The following OPCML variants were observed in gnomAD, a reference collection of about 807,000 sequenced individuals.
The protein encoded by OPCML is opioid binding protein/cell adhesion molecule like.
In OPCML, 13 loss-of-function variants were observed where a neutral mutation model predicts 37.8. That is an observed-to-expected ratio of 0.34 (90% CI 0.22 to 0.55). The LOEUF is 0.55. Among genes scored for constraint, OPCML ranks in the 20% least tolerant of loss-of-function variants. The pLI is 0.91. For synonymous variants in OPCML, 176 were observed against 168.8 expected, an observed-to-expected ratio of 1.04 and a Z score of -0.33; for missense variants, 341 against 435.6, an observed-to-expected ratio of 0.78 and a Z score of 1.93.
intron 4 of OPCML, among the ~76,000 whole-genome samples, chr11:132,468,844 T>C (rs1325153623): frequency 6.6e-6 from 1 of 152,140 alleles, no homozygotes; most frequent in Non-Finnish European, 1.5e-5. Flanking sequence ...AAACTACATA[T>C]ACCTCCCAGA....
intron 2 of OPCML, among the ~76,000 whole-genome samples, chr11:132,841,791 C>G (rs11822403): frequency 0.54 from 76,751 of 141,758 alleles, 20,585 homozygotes; most frequent in African/African-American, 0.65. Flanking sequence ...AACCTGGGAG[C>G]AAGAGGTTTC....
At chr11:133,448,397 T>C (rs1946514031) in intron 1 of OPCML, among the ~76,000 whole-genome samples, 1 of 152,224 alleles carries the variant, frequency 6.6e-6, no homozygotes. Context: ...TTCCATGAGC[T>C]ACATGTCTAA....
At chr11:132,952,666 T>C (rs1176170329) in intron 1 of OPCML, among the ~76,000 whole-genome samples, 1 of 152,156 alleles carries the variant, frequency 6.6e-6, no homozygotes, top group Non-Finnish European at 1.5e-5. Flanking sequence ...TGAATTAAAA[T>C]GCCTGGCTTC....
intron 1 of OPCML, among the ~76,000 whole-genome samples, chr11:133,524,854 A>T (rs1948459493): frequency 6.6e-6 from 1 of 152,252 alleles, no homozygotes; most frequent in East Asian, 1.9e-4. Flanking sequence ...GCTGCTGGGC[A>T]GGCCAAACTG....
At chr11:133,008,282 A>G (rs1190406523) in intron 1 of OPCML, 2 of 985,298 alleles carry the variant, frequency 2.0e-6, no homozygotes, top group African/African-American at 1.7e-5. Context: ...GAGAGTTGAC[A>G]ATCAATTGTG....
At chr11:133,098,232 T>G (rs75657355) in intron 1 of OPCML, among the ~76,000 whole-genome samples, 2 of 150,464 alleles carry the variant, frequency 1.3e-5, no homozygotes, top group Non-Finnish European at 3.0e-5. Context: ...TTTTTTTTTT[T>G]GGAGATGGAG....
intron 4 of OPCML, among the ~76,000 whole-genome samples, chr11:132,450,557 C>G (rs1331935720): frequency 1.3e-5 from 2 of 151,732 alleles, no homozygotes; most frequent in African/African-American, 4.8e-5. Context: ...AGTGAGCTTA[C>G]TCTACTTCCA....
At chr11:133,070,097 G>A (rs975708501) in intron 1 of OPCML, among the ~76,000 whole-genome samples, 3 of 152,110 alleles carry the variant, frequency 2.0e-5, no homozygotes, top group Non-Finnish European at 4.4e-5. Context: ...TTTGTGTCGG[G>A]TGGGGCAAGA....
In OPCML at chr11:132,766,108, A is replaced by T. The variant is rs868542393; in HGVS notation, c.147-108789T>A. Among the ~76,000 whole-genome samples, 715 of 151,892 alleles carry T rather than the reference A, an allele frequency of 4.7e-3. 3 individuals carry two copies. The highest frequency in any genetic ancestry group is 0.016 in the African/African-American group (671 of 41,340). On this transcript the variant is annotated intron_variant, in intron 2 of 7. Transcript: ENST00000524381. ...TCCCATGCTTATAATTTAAAAAAAA[A>T]AAACTAAATAAATGTTGTAAAGGGG...
chr11:133,506,647 C>A (rs1030855378), intron 1 of OPCML, among the ~76,000 whole-genome samples: 9 of 152,182 alleles, frequency 5.9e-5, no homozygotes, highest in Admixed American at 1.3e-4. Flanking sequence ...GCAGAAGAAA[C>A]AATGAGGTGG....
At position 132,735,372 on chromosome 11, in the gene OPCML, C is replaced by T. The variant is rs184301175; in HGVS notation, c.147-78053G>A. ...TTAAAAGTTTGTCTAAGGGCAGAAA[C>T]CCAAGATAGACAAAGACTTCTCTGG... On this transcript the variant is annotated intron_variant, in intron 2 of 7. Transcript: ENST00000524381. Among the ~76,000 whole-genome samples, 156 of 152,180 alleles carry T rather than the reference C, an allele frequency of 1.0e-3. 2 individuals carry two copies. The highest frequency in any genetic ancestry group is 3.4e-3 in the African/African-American group (143 of 41,524).
chr11:133,028,560 TGAGAGAGAGAGAGA>T (rs148115731), intron 1 of OPCML, among the ~76,000 whole-genome samples: 1 of 146,558 alleles, frequency 6.8e-6, no homozygotes, highest in African/African-American at 2.5e-5. Flanking sequence ...TGTGTACATG[TGAGAGAGAGAGAGA>T]GAGAGAGAGA....
At chr11:133,489,045 T>A (rs1947595324) in intron 1 of OPCML, among the ~76,000 whole-genome samples, 1 of 151,806 alleles carries the variant, frequency 6.6e-6, no homozygotes, top group African/African-American at 2.4e-5. Context: ...AGAATGAAAC[T>A]GGACCCCTAT....
chr11:133,236,185 C>T (rs542707693), intron 1 of OPCML, among the ~76,000 whole-genome samples: 1 of 152,128 alleles, frequency 6.6e-6, no homozygotes, highest in Non-Finnish European at 1.5e-5. Flanking sequence ...TGAACACATG[C>T]ACTGCGATAA....
intron 1 of OPCML, among the ~76,000 whole-genome samples, chr11:133,057,793 G>C (rs1327401421): frequency 6.6e-6 from 1 of 152,038 alleles, no homozygotes; most frequent in Non-Finnish European, 1.5e-5. Flanking sequence ...ACCCTCTCAA[G>C]TCCTTAGTAC....
intron 1 of OPCML, among the ~76,000 whole-genome samples, chr11:133,253,701 A>G (rs1941217379): frequency 6.6e-6 from 1 of 152,248 alleles, no homozygotes; most frequent in African/African-American, 2.4e-5. Context: ...CTTAAAATGA[A>G]TAAGCAAATA....
chr11:133,355,433 A>G (rs796695662), intron 1 of OPCML, among the ~76,000 whole-genome samples: 3 of 152,370 alleles, frequency 2.0e-5, no homozygotes, highest in African/African-American at 7.2e-5. Context: ...TGTTAATTTA[A>G]GTCATCCATG....
intron 4 of OPCML, among the ~76,000 whole-genome samples, chr11:132,456,152 G>T (rs2136880811): frequency 6.6e-6 from 1 of 152,292 alleles, no homozygotes; most frequent in East Asian, 1.9e-4. Flanking sequence ...ACCTACAGAG[G>T]TTCAGAGGAA....
At chr11:133,115,075 G>A (rs938022644) in intron 1 of OPCML, among the ~76,000 whole-genome samples, 2 of 152,104 alleles carry the variant, frequency 1.3e-5, no homozygotes, top group South Asian at 4.1e-4. Context: ...CCATTGAGTG[G>A]GAGGTCAAAG....
Sources: allele counts gnomAD v4.1 joint callset (sites outside exome capture counted in the v4.1 genomes callset), GRCh38; gene constraint gnomAD v4.1.1; transcripts MANE v1.5; gene names NCBI Gene and HGNC (gene_info 2026-07-23, HGNC 2026-07-21).